Variants in SDK1 observed in about 807,000 individuals in gnomAD.
The protein encoded by SDK1 is sidekick cell adhesion molecule 1.
SDK1 carries 157 observed loss-of-function variants against 245.5 expected under a neutral mutation model. That is an observed-to-expected ratio of 0.64 (90% CI 0.56 to 0.73). SDK1 has a LOEUF of 0.73. Ranked by LOEUF, SDK1 falls within the 30% of genes least tolerant of loss-of-function variation. SDK1 has a pLI of 0.00. For synonymous variants in SDK1, 1,647 were observed against 1,278.5 expected (o/e 1.29, Z -6.15); for missense variants, 3,583 against 3,002.3 (o/e 1.19, Z -4.52).
intron 1 of SDK1, among the ~76,000 whole-genome samples, chr7:3,581,325 A>T (rs188950681): frequency 6.6e-6 from 1 of 152,212 alleles, no homozygotes; most frequent in African/African-American, 2.4e-5. Flanking sequence ...CACTATTATT[A>T]ATTAGTGGGC....
chr7:3,444,343 C>T (rs1052851804), intron 1 of SDK1, among the ~76,000 whole-genome samples: 1 of 152,126 alleles, frequency 6.6e-6, no homozygotes, highest in Non-Finnish European at 1.5e-5. Context: ...TTCTTAGTGT[C>T]ACTTTAATTT....
intron 28 of SDK1, among the ~76,000 whole-genome samples, chr7:4,143,294 C>A (rs893740990): frequency 1.3e-5 from 2 of 152,138 alleles, no homozygotes; most frequent in African/African-American, 4.8e-5. Flanking sequence ...GTGGTCATAC[C>A]GGCCACCACA....
chr7:3,852,518 C>T (rs1232989396), intron 5 of SDK1, among the ~76,000 whole-genome samples: 28 of 151,358 alleles, frequency 1.8e-4, no homozygotes, highest in Non-Finnish European at 3.5e-4. Flanking sequence ...GAGGCCGAGG[C>T]GGGCGGATCA....
At chr7:3,784,498 A>G (rs1269477986) in intron 4 of SDK1, among the ~76,000 whole-genome samples, 3 of 152,124 alleles carry the variant, frequency 2.0e-5, no homozygotes, top group Non-Finnish European at 4.4e-5. Context: ...TAAGAAGCTC[A>G]AACAACTCAA....
intron 1 of SDK1, among the ~76,000 whole-genome samples, chr7:3,505,389 C>G (rs1353409331): frequency 6.6e-6 from 1 of 152,040 alleles, no homozygotes; most frequent in Non-Finnish European, 1.5e-5. Context: ...GTAGCTAGGA[C>G]TACAGGTGCA....
At chr7:3,558,288 C>T (rs1251395612) in intron 1 of SDK1, among the ~76,000 whole-genome samples, 3 of 152,200 alleles carry the variant, frequency 2.0e-5, no homozygotes, top group Non-Finnish European at 1.5e-5. Context: ...GCTCTAGTAT[C>T]CTCAGAGTTT....
rs371319205 is a variant in SDK1, at chr7:4,077,099, C to G, written c.3112C>G (p.Leu1038Val). ...HEYKIQGLSS[L>V]TTYTIDVAAV... is the part of the protein sequence containing the mutation. Reference sequence around the variant, plus strand: ...GTACAAGATCCAAGGCCTCTCATCTCTCACCACCTACACCATCGACGTGGC... The same window carrying G: ...GTACAAGATCCAAGGCCTCTCATCTGTCACCACCTACACCATCGACGTGGC... The change falls in exon 21 of 45, where the codon CTC becomes GTC. Residue 1038 changes from leucine to valine, a missense_variant. Leu to Val is a conservative substitution (Grantham distance 32). Coordinates refer to ENST00000404826, the MANE Select transcript of SDK1 (RefSeq NM_152744.4). 4 of 1,614,236 alleles carry G rather than the reference C, an allele frequency of 2.5e-6. No homozygotes were observed. The highest frequency in any genetic ancestry group is 2.5e-6 in the Non-Finnish European group (3 of 1,180,040).
chr7:4,154,487 G>A (rs992655863), intron 30 of SDK1, among the ~76,000 whole-genome samples: 4 of 152,086 alleles, frequency 2.6e-5, no homozygotes, highest in African/African-American at 7.2e-5. Flanking sequence ...ATGAGCAAAG[G>A]CCCGGGGAGT....
At chr7:3,920,096 C>T (rs146167130) in intron 5 of SDK1, among the ~76,000 whole-genome samples, 1 of 152,288 alleles carries the variant, frequency 6.6e-6, no homozygotes, top group African/African-American at 2.4e-5. Flanking sequence ...GGCACTGAGA[C>T]AGCTCAGGAA....
At chr7:3,990,648 G>A (rs1370048178) in intron 14 of SDK1, among the ~76,000 whole-genome samples, 2 of 152,120 alleles carry the variant, frequency 1.3e-5, no homozygotes, top group Non-Finnish European at 2.9e-5. Context: ...CTGTCGCCTC[G>A]GGCTTCAGGA....
In SDK1 at chr7:3,377,156, G is replaced by A. The variant is rs1325708567; in HGVS notation, c.298+75272G>A. Among the ~76,000 whole-genome samples, 3 of 152,236 alleles carry A rather than the reference G, an allele frequency of 2.0e-5. No individual in the cohort carries two copies. The East Asian group carries it at 5.8e-4, about 29-fold the overall frequency. Reference sequence around the variant, plus strand: ...GGGTGTATAGCTGTTCAATCTCTCTGAGGATATGAATTAGAGTTTTAAAAA... The same window carrying A: ...GGGTGTATAGCTGTTCAATCTCTCTAAGGATATGAATTAGAGTTTTAAAAA... On this transcript the variant is annotated intron_variant, in intron 1 of 44. Transcript: ENST00000404826.
chr7:4,103,088 C>G (rs972310326), intron 22 of SDK1, among the ~76,000 whole-genome samples: 7 of 151,472 alleles, frequency 4.6e-5, no homozygotes, highest in African/African-American at 1.7e-4. Flanking sequence ...GCAAGCTCCG[C>G]CTGCCGGGCT....
At chr7:3,931,344 CA>C (rs910132806) in intron 5 of SDK1, among the ~76,000 whole-genome samples, 2 of 152,192 alleles carry the variant, frequency 1.3e-5, no homozygotes, top group African/African-American at 4.8e-5. Flanking sequence ...AATGTTCATA[CA>C]ACTATATTGA....
intron 5 of SDK1, among the ~76,000 whole-genome samples, chr7:3,947,689 C>T (rs1780635333): frequency 1.3e-5 from 2 of 150,988 alleles, no homozygotes; most frequent in African/African-American, 4.9e-5. Flanking sequence ...TTAAAATATA[C>T]ACATATATAT....
chr7:3,786,745 G>A (rs528004599), intron 4 of SDK1, among the ~76,000 whole-genome samples: 3 of 152,222 alleles, frequency 2.0e-5, no homozygotes, highest in East Asian at 3.9e-4. Flanking sequence ...GAAAAGAGGC[G>A]TGATTTAACT....
intron 5 of SDK1, among the ~76,000 whole-genome samples, chr7:3,843,776 C>T (rs993981756): frequency 6.6e-6 from 1 of 152,206 alleles, no homozygotes; most frequent in Admixed American, 6.5e-5. Context: ...CTCAGTTTTC[C>T]CATCTGTGAA....
At chr7:3,679,587 C>T (rs1784033575) in intron 4 of SDK1, among the ~76,000 whole-genome samples, 1 of 151,888 alleles carries the variant, frequency 6.6e-6, no homozygotes. Context: ...AGAAAATGGG[C>T]AAAGGAGATT....
At chr7:4,109,106 G>A (rs752423301) in intron 22 of SDK1, among the ~76,000 whole-genome samples, 15 of 152,126 alleles carry the variant, frequency 9.9e-5, no homozygotes, top group Non-Finnish European at 1.0e-4. Flanking sequence ...TTTGACTGTC[G>A]TGACTAGTGC....
At chr7:3,803,637 T>G (rs1030904182) in intron 4 of SDK1, among the ~76,000 whole-genome samples, 3 of 152,108 alleles carry the variant, frequency 2.0e-5, no homozygotes, top group East Asian at 1.9e-4. Flanking sequence ...TAATTGGATT[T>G]TTTTAATTGT....
Sources: allele counts gnomAD v4.1 joint callset (sites outside exome capture counted in the v4.1 genomes callset), GRCh38; gene constraint gnomAD v4.1.1; transcripts MANE v1.5; gene names NCBI Gene and HGNC (gene_info 2026-07-23, HGNC 2026-07-21).